Variants in RNLS observed in about 807,000 individuals in gnomAD.
RNLS encodes renalase, FAD dependent amine oxidase, also known as renalase.
In RNLS, 39 loss-of-function variants were observed where a neutral mutation model predicts 39.8. The observed-to-expected ratio is 0.98, with a 90% CI of 0.76 to 1.28. The LOEUF is 1.28. Among genes scored for constraint, RNLS ranks in the 50% most tolerant of loss-of-function variants. The pLI, the probability that RNLS is intolerant of heterozygous loss-of-function variation, is 0.00. For synonymous variants in RNLS, 147 were observed against 150.7 expected (o/e 0.98, Z 0.18); for missense variants, 410 against 413.3 (o/e 0.99, Z 0.07).
At chr10:88,250,736 C>T in the RNLS span, among the ~76,000 whole-genome samples, 6 of 152,172 alleles carry the variant, frequency 3.9e-5, no homozygotes, top group Admixed American at 1.3e-4. Flanking sequence ...GGCCGGATTC[C>T]GCCCTCATTC....
At chr10:88,547,580 C>G (rs1848383497) in intron 4 of RNLS, among the ~76,000 whole-genome samples, 2 of 152,000 alleles carry the variant, frequency 1.3e-5, no homozygotes, top group Admixed American at 1.3e-4. Flanking sequence ...TTTGAAGGGA[C>G]AAACCTTTTT....
At chr10:88,314,988 C>T (rs1181943490) in intron 5 of RNLS, among the ~76,000 whole-genome samples, 1 of 151,954 alleles carries the variant, frequency 6.6e-6, no homozygotes, top group Non-Finnish European at 1.5e-5. Flanking sequence ...AGGGCAGGGT[C>T]CATTTTTTTT....
chr10:88,540,567 G>A (rs1269024234), intron 4 of RNLS, among the ~76,000 whole-genome samples: 7 of 152,148 alleles, frequency 4.6e-5, no homozygotes, highest in Non-Finnish European at 1.0e-4. Flanking sequence ...CATGACAAGT[G>A]AAGTAGGTGT....
chr10:88,370,136 T>C (rs972441505), intron 4 of RNLS, among the ~76,000 whole-genome samples: 1 of 152,186 alleles, frequency 6.6e-6, no homozygotes, highest in African/African-American at 2.4e-5. Flanking sequence ...CAGGCAGTAG[T>C]AGAGATCAAC....
chr10:88,446,541 T>C (rs10736352), intron 4 of RNLS, among the ~76,000 whole-genome samples: 105,975 of 151,976 alleles, frequency 0.7, 37,869 homozygotes, highest in African/African-American at 0.86. Context: ...TTTTTTGAAA[T>C]GATCAAGAAA....
intron 4 of RNLS, among the ~76,000 whole-genome samples, chr10:88,499,959 A>G (rs1845381454): frequency 1.3e-5 from 2 of 152,160 alleles, no homozygotes; most frequent in African/African-American, 4.8e-5. Flanking sequence ...TAAGCTATGC[A>G]GGTTTTTAAA....
intron 4 of RNLS, among the ~76,000 whole-genome samples, chr10:88,547,985 G>A (rs191877756): frequency 3.5e-4 from 53 of 152,000 alleles, no homozygotes; most frequent in African/African-American, 1.1e-3. Flanking sequence ...AACAAGGCTG[G>A]GCACAGTGGC....
At chr10:88,348,953 T>C (rs1449376744) in intron 5 of RNLS, among the ~76,000 whole-genome samples, 2 of 152,162 alleles carry the variant, frequency 1.3e-5, no homozygotes, top group African/African-American at 4.8e-5. Flanking sequence ...CTTACTTGAC[T>C]GCAAATTACG....
At chr10:88,436,204 C>T (rs892448986) in intron 4 of RNLS, among the ~76,000 whole-genome samples, 10 of 152,050 alleles carry the variant, frequency 6.6e-5, no homozygotes, top group African/African-American at 2.4e-4. Flanking sequence ...GTGTTGTGGG[C>T]TCATTCTGAG....
chr10:88,379,244 G>A (rs1158443865), intron 4 of RNLS, among the ~76,000 whole-genome samples: 1 of 152,124 alleles, frequency 6.6e-6, no homozygotes, highest in Non-Finnish European at 1.5e-5. Context: ...TAATAACAGG[G>A]AATTTCTTTG....
chr10:88,577,139 T>G (rs1424785468), intron 3 of RNLS, among the ~76,000 whole-genome samples: 2 of 152,126 alleles, frequency 1.3e-5, no homozygotes, highest in Non-Finnish European at 2.9e-5. Flanking sequence ...GTATTACTCT[T>G]CAATATCCAC....
downstream of RNLS, among the ~76,000 whole-genome samples, chr10:88,279,606 CCAAA>C (rs1472484011): frequency 2.1e-5 from 2 of 96,830 alleles, no homozygotes; most frequent in African/African-American, 8.5e-5. Flanking sequence ...GCATACTTAG[CCAAA>C]CACTTAGGAG....
rs1843172709 is a variant in RNLS at position 88,285,066 on chromosome 10, T to C, written c.*288A>G. 1 of 1,013,914 alleles carries C rather than the reference T, an allele frequency of 9.9e-7. No homozygotes were observed. Among genetic ancestry groups the C allele is most frequent in the Non-Finnish European group, 1.2e-6 (1 of 847,572 alleles). The allele number at this position is 1,013,914 out of a possible 1,614,324, so 62.8% of individuals were successfully genotyped here. On this transcript the variant is annotated 3_prime_UTR_variant, in exon 7 of 7. Coordinates refer to ENST00000331772, the MANE Select transcript of RNLS (RefSeq NM_001031709.3). ...TTATTGTGATTTAATGTAATTTTTT[T>C]GAGAGAGTCGTTTGTTATTTTTTAA... is the stretch of plus-strand genomic sequence containing the variant.
At position 88,581,460 on chromosome 10, in the gene RNLS, G is replaced by A. The variant is rs947792241; in HGVS notation, c.367+107C>T. The A allele has an allele frequency of 7.6e-6, 7 of 920,200 alleles. No homozygotes were observed. The African/African-American group carries it at 1.0e-4, about 14-fold the overall frequency. The allele number at this position is 920,200 out of a possible 1,614,324, so 57.0% of individuals were successfully genotyped here. ...GACTAGCTATTGATCAGCAAATAGA[G>A]CACCTAATATTTATAATTTCCTGTA... On this transcript the variant is annotated intron_variant, in intron 3 of 6. Coordinates refer to ENST00000331772, the MANE Select transcript of RNLS (RefSeq NM_001031709.3).
At chr10:88,501,700 A>C (rs1391232419) in intron 4 of RNLS, among the ~76,000 whole-genome samples, 2 of 152,182 alleles carry the variant, frequency 1.3e-5, no homozygotes, top group Admixed American at 1.3e-4. Flanking sequence ...ATTCCTCTTT[A>C]ATTCATAACC....
the RNLS span, among the ~76,000 whole-genome samples, chr10:88,182,276 C>T: frequency 4.6e-5 from 7 of 152,040 alleles, no homozygotes; most frequent in East Asian, 3.9e-4. Context: ...CCCAGGTGAC[C>T]GGATGTACCT....
At chr10:88,388,723 T>C (rs1852013075) in intron 4 of RNLS, among the ~76,000 whole-genome samples, 1 of 152,158 alleles carries the variant, frequency 6.6e-6, no homozygotes, top group African/African-American at 2.4e-5. Context: ...TGAAATTACT[T>C]ATGTTTTTAT....
chr10:88,283,853 A>G (rs778919553), downstream of RNLS, among the ~76,000 whole-genome samples: 7 of 152,064 alleles, frequency 4.6e-5, no homozygotes, highest in Non-Finnish European at 8.8e-5. Flanking sequence ...AAAATAACTA[A>G]TGGGTACTAG....
intron 6 of RNLS, among the ~76,000 whole-genome samples, chr10:88,301,670 A>C (rs1443373262): frequency 1.3e-5 from 2 of 152,224 alleles, no homozygotes; most frequent in Non-Finnish European, 2.9e-5. Context: ...ACCAACTGGC[A>C]AGAGTTCCTT....
Sources: allele counts gnomAD v4.1 joint callset (sites outside exome capture counted in the v4.1 genomes callset), GRCh38; gene constraint gnomAD v4.1.1; transcripts MANE v1.5; gene names NCBI Gene and HGNC (gene_info 2026-07-23, HGNC 2026-07-21).